CKM: variants seen among roughly 807,000 people sequenced by gnomAD.
CKM encodes creatine kinase M-type.
Under a neutral mutation model 35.4 loss-of-function variants are expected in CKM, and 28 were observed. The ratio of observed to expected loss-of-function variants is 0.79; its 90% CI spans 0.59 to 1.08. CKM has a LOEUF of 1.08. Among genes scored for constraint, CKM ranks in the 50% least tolerant of loss-of-function variants. The probability of loss-of-function intolerance (pLI) is 0.00; values close to 1 mark genes in which losing one functional copy is unlikely to be tolerated. For synonymous variants in CKM, 215 were observed against 204.4 expected, an observed-to-expected ratio of 1.05 and a Z score of -0.44; for missense variants, 484 against 509.8, an observed-to-expected ratio of 0.95 and a Z score of 0.49.
intron 5 of CKM, among the ~76,000 whole-genome samples, chr19:45,310,411 C>T (rs181398815): frequency 5.8e-4 from 88 of 150,450 alleles, no homozygotes; most frequent in East Asian, 4.0e-4. Flanking sequence ...TGAGCCACCG[C>T]GCCTGGCCCA....
rs184481835 is a variant in CKM, at chr19:45,310,505, T to C, written c.653+1244A>G. On this transcript the variant is annotated intron_variant, in intron 5 of 7. Coordinates refer to ENST00000221476, the MANE Select transcript of CKM (RefSeq NM_001824.5). ...AAACTACAAATTATTGTGATCCCTA[T>C]CCTATAGCTAGGAAACTGGGGTAGA... 7.1e-4 allele frequency among the ~76,000 whole-genome samples: 108 copies of C among 152,216 alleles called. 1 individual carries two copies. In the East Asian group the frequency reaches 0.017, roughly 24 times the overall value.
chr19:45,308,529 G>A lies in CKM; in HGVS notation c.657C>T (p.His219=). The A allele has an allele frequency of 1.9e-6, 3 of 1,614,082 alleles. No individual in the cohort carries two copies. The highest frequency in any genetic ancestry group is 2.5e-6 in the Non-Finnish European group (3 of 1,179,998). ...ACACCAGGAAGCTCTTGTTGTCATT[G>A]TGCCTAGAGTAAGGTGCCGCAGCAA... ...RDWPDARGIW[H]NDNKSFLVWV... is the part of the protein sequence containing the mutation. The change falls in exon 6 of 8, where the codon CAC becomes CAT. Residue 219 remains histidine, a synonymous_variant. Transcript: ENST00000221476.
intron 4 of CKM, among the ~76,000 whole-genome samples, chr19:45,315,257 CAG>C (rs962751569): frequency 2.0e-5 from 3 of 152,268 alleles, no homozygotes; most frequent in African/African-American, 7.2e-5. Context: ...TAGGTCTTCT[CAG>C]GGGCCGTCGG....
At position 45,307,621 on chromosome 19, in the gene CKM, G is replaced by A. The variant is rs1190581710; in HGVS notation, c.807C>T (p.His269=). The change falls in exon 7 of 8, where the codon CAC becomes CAT. Residue 269 remains histidine (H), a synonymous_variant. Coordinates refer to ENST00000221476, the MANE Select transcript of CKM (RefSeq NM_001824.5). The part of the protein sequence containing the change: ...KIEEIFKKAG[H]PFMWNQHLGY... ...CCAGGTGCTGGTTCCACATGAAGGG[G>A]TGGCCAGCTTTCTTAAAGATCTCCT... is the stretch of plus-strand genomic sequence containing the variant. 11 of 1,613,956 alleles carry A rather than the reference G, an allele frequency of 6.8e-6. No individual in the cohort carries two copies. The highest frequency in any genetic ancestry group is 1.7e-5 in the Admixed American group (1 of 59,990).
intron 5 of CKM, 110 bp from the exon 6 acceptor site, chr19:45,308,642 G>T: frequency 7.1e-7 from 1 of 1,413,188 alleles, no homozygotes; most frequent in Non-Finnish European, 1.0e-6. Flanking sequence ...GGCCTGAGGG[G>T]TGGGAGGTGG....
intron 3 of CKM, among the ~76,000 whole-genome samples, chr19:45,317,333 G>A (rs989397138): frequency 6.6e-6 from 1 of 152,050 alleles, no homozygotes; most frequent in Non-Finnish European, 1.5e-5. Context: ...TGTTGCCCAG[G>A]CTGGAGTGCA....
intron 2 of CKM, among the ~76,000 whole-genome samples, chr19:45,318,970 G>T (rs751339945): frequency 1.3e-5 from 2 of 150,970 alleles, no homozygotes; most frequent in African/African-American, 4.9e-5. Context: ...TCCTCCCACC[G>T]CAGCCTCCTG....
intron 2 of CKM, 58 bp downstream of exon 2, chr19:45,319,463 G>C (rs1971191071): frequency 7.0e-7 from 1 of 1,434,724 alleles, no homozygotes; most frequent in Non-Finnish European, 9.8e-7. Context: ...TTGGGGCATG[G>C]CCGGCAGCCT....
intron 3 of CKM, 56 bp downstream of exon 3, chr19:45,317,769 C>G: frequency 6.3e-7 from 1 of 1,586,700 alleles, no homozygotes. Flanking sequence ...CCCCATTTCT[C>G]CTGTGATCTC....
At position 45,308,409 on chromosome 19, in the gene CKM, C is replaced by T. The variant is rs772394703; in HGVS notation, c.777G>A (p.Lys259=). 1.8e-5 allele frequency: 29 copies of T among 1,614,054 alleles called. No homozygotes were observed. The highest frequency in any genetic ancestry group is 1.5e-5 in the Non-Finnish European group (18 of 1,180,024). Residue 259 remains lysine (K), a splice_region_variant and synonymous_variant, in exon 6 of 8, where the codon AAG becomes AAA. Transcript: ENST00000221476. Reference sequence around the variant, plus strand: ...TCAGCAGCTAAGGGCAGACACCCACCTTCTGCAGCCCTACGCAGAAGCGGC... The same window carrying T: ...TCAGCAGCTAAGGGCAGACACCCACTTTCTGCAGCCCTACGCAGAAGCGGC... ...VFRRFCVGLQ[K]IEEIFKKAGH...
chr19:45,322,086 G>A (rs1971218115), intron 1 of CKM, among the ~76,000 whole-genome samples: 2 of 152,236 alleles, frequency 1.3e-5, no homozygotes, highest in South Asian at 4.2e-4. Flanking sequence ...GTGGCTGGGA[G>A]GACACGGGTC....
In CKM at chr19:45,312,473, A is replaced by G. The variant is rs934081173; in HGVS notation, c.482-553T>C. 3.5e-4 allele frequency among the ~76,000 whole-genome samples: 53 copies of G among 149,930 alleles called. 1 individual carries two copies. Among genetic ancestry groups the G allele is most frequent in the Admixed American group, 2.8e-3 (42 of 14,998 alleles). ...GTTTTGCTCTTGTTGCCCAGGCTGGAGCGCAATGGCGCGATCTTGGCTCAC... is the reference window on the plus strand; with the variant it reads ...GTTTTGCTCTTGTTGCCCAGGCTGGGGCGCAATGGCGCGATCTTGGCTCAC... On this transcript the variant is annotated intron_variant, in intron 4 of 7. Transcript: ENST00000221476.
At chr19:45,310,613 G>T (rs1311100659) in intron 5 of CKM, among the ~76,000 whole-genome samples, 1 of 151,972 alleles carries the variant, frequency 6.6e-6, no homozygotes, top group Admixed American at 6.6e-5. Context: ...TAGGGAGTAC[G>T]GTTCAAGTCT....
chr19:45,309,707 C>T (rs137999729), intron 5 of CKM, among the ~76,000 whole-genome samples: 45 of 152,022 alleles, frequency 3.0e-4, no homozygotes, highest in Non-Finnish European at 4.7e-4. Context: ...ACCAAAAATA[C>T]GAAAACTAGC....
intron 6 of CKM, 93 bp downstream of exon 6, chr19:45,308,316 A>G: frequency 6.8e-7 from 1 of 1,472,844 alleles, no homozygotes; most frequent in Non-Finnish European, 9.3e-7. Flanking sequence ...TGGGTGGGGC[A>G]GGGCTTAGTA....
rs1232859748 is a variant in CKM at position 45,319,543 on chromosome 19, G to T, written c.171C>A (p.Ile57=). ...TPSGFTVDDV[I]QTGVDNPGHP... Reference sequence around the variant, plus strand: ...CACCTGGGTTGTCCACTCCTGTCTGGATGACATCGTCTACAGTGAAGCCAG... The same window carrying T: ...CACCTGGGTTGTCCACTCCTGTCTGTATGACATCGTCTACAGTGAAGCCAG... The change falls in exon 2 of 8, where the codon ATC becomes ATA. Residue 57 remains isoleucine (I), a synonymous_variant. Transcript: ENST00000221476. 1.2e-6 allele frequency: 2 copies of T among 1,614,054 alleles called. No homozygotes were observed. The highest frequency in any genetic ancestry group is 1.7e-5 in the Admixed American group (1 of 60,008).
Position 45,311,842 on chromosome 19 carries a change from A to AGCT in CKM, c.557_559dup (p.Gln186dup), listed in dbSNP as rs753847862. The AGCT allele has an allele frequency of 9.3e-6, 15 of 1,613,690 alleles. No homozygotes were observed. The highest frequency in any genetic ancestry group is 1.2e-5 in the Non-Finnish European group (14 of 1,179,896). ...GTCGAACAGGAAGTGGTCATCGATG[A>AGCT]GCTGCTGCTGCTCCTTCTCCGTCAT... On this transcript the variant is annotated inframe_insertion, in exon 5 of 8. Transcript: ENST00000221476.
intron 4 of CKM, among the ~76,000 whole-genome samples, chr19:45,314,371 G>C (rs1018547764): frequency 6.6e-6 from 1 of 151,252 alleles, no homozygotes; most frequent in African/African-American, 2.4e-5. Context: ...TTTTTTTCTA[G>C]ACATAATGCT....
intron 4 of CKM, among the ~76,000 whole-genome samples, chr19:45,313,152 T>C (rs1481897130): frequency 6.6e-6 from 1 of 152,178 alleles, no homozygotes; most frequent in African/African-American, 2.4e-5. Context: ...TGGAGGTTTG[T>C]GGCAACTCTT....
Sources: allele counts gnomAD v4.1 joint callset (sites outside exome capture counted in the v4.1 genomes callset), GRCh38; gene constraint gnomAD v4.1.1; transcripts MANE v1.5; gene names NCBI Gene and HGNC (gene_info 2026-07-23, HGNC 2026-07-21).